The following CD2AP variants were observed in gnomAD, a reference collection of about 807,000 sequenced individuals.
The protein encoded by CD2AP is CD2-associated protein.
In CD2AP, 46 loss-of-function variants were observed where a neutral mutation model predicts 85.1. The ratio of observed to expected loss-of-function variants is 0.54; its 90% CI spans 0.43 to 0.69. The LOEUF is 0.69. Among genes scored for constraint, CD2AP ranks in the 30% least tolerant of loss-of-function variants. CD2AP has a pLI of 0.00. For synonymous variants in CD2AP, 255 were observed against 252.9 expected, an observed-to-expected ratio of 1.01 and a Z score of -0.08; for missense variants, 769 against 729.5, an observed-to-expected ratio of 1.05 and a Z score of -0.62.
chr6:47,479,468 C>T (rs1765391257), intron 1 of CD2AP, among the ~76,000 whole-genome samples: 2 of 152,166 alleles, frequency 1.3e-5, no homozygotes, highest in Admixed American at 1.3e-4. Flanking sequence ...CCCTTCTCCA[C>T]CTCCCTCCTT....
intron 1 of CD2AP, chr6:47,488,992 A>G (rs1040080550): frequency 3.9e-5 from 6 of 152,126 alleles, no homozygotes; most frequent in African/African-American, 1.4e-4. Flanking sequence ...TGAATTTTTA[A>G]TGATTCTTAC....
intron 2 of CD2AP, among the ~76,000 whole-genome samples, chr6:47,528,976 T>TTAA (rs1766799841): frequency 6.6e-6 from 1 of 152,196 alleles, no homozygotes; most frequent in Non-Finnish European, 1.5e-5. Flanking sequence ...ATACGTTTGC[T>TTAA]TTCTTAGTGC....
At position 47,577,046 on chromosome 6, in the gene CD2AP, T is replaced by C. The variant is rs931802678; in HGVS notation, c.846T>C (p.Gly282=). The C allele has an allele frequency of 2.1e-5, 32 of 1,534,046 alleles. 1 individual carries two copies. Among genetic ancestry groups the C allele is most frequent in the Non-Finnish European group, 2.8e-5 (31 of 1,107,444 alleles). The change falls in exon 8 of 18, where the codon GGT becomes GGC. Residue 282 remains glycine (G), a synonymous_variant. Coordinates refer to ENST00000359314, the MANE Select transcript of CD2AP (RefSeq NM_012120.3). ...EYCRTLFAYE[G]TNEDELTFKE... is the part of the protein sequence containing the mutation. ...GTAGAACATTATTTGCCTATGAAGG[T>C]ACTAATGAAGATGAACTTACTTTTA... is the stretch of plus-strand genomic sequence containing the variant.
chr6:47,582,157 G>A (rs1023466020), intron 11 of CD2AP, 92 bp downstream of exon 11: 2 of 806,956 alleles, frequency 2.5e-6, no homozygotes, highest in Non-Finnish European at 4.4e-6. Flanking sequence ...TATTTACACT[G>A]ATTTTTAACA....
intron 4 of CD2AP, among the ~76,000 whole-genome samples, chr6:47,547,241 A>T (rs1767387473): frequency 6.6e-6 from 1 of 152,224 alleles, no homozygotes. Flanking sequence ...GCTCCATTTG[A>T]CATATACAGA....
In CD2AP at chr6:47,478,238, C is replaced by T. The variant is rs766268810; in HGVS notation, c.-7C>T. 1.3e-6 allele frequency: 2 copies of T among 1,572,106 alleles called. No homozygotes were observed. Among genetic ancestry groups the T allele is most frequent in the Middle Eastern group, 1.7e-4 (1 of 5,984 alleles). On this transcript the variant is annotated 5_prime_UTR_variant, in exon 1 of 18. Transcript: ENST00000359314. ...GACGTCGGCTTCTCCCCGCGGGAGC[C>T]CCCAGCATGGGTAAGAGACTCGGGC... is the stretch of plus-strand genomic sequence containing the variant.
In CD2AP at chr6:47,504,855, A is replaced by G. The variant is rs1196519567; in HGVS notation, c.165+1415A>G. On this transcript the variant is annotated intron_variant, in intron 2 of 17. Transcript: ENST00000359314. Reference sequence around the variant, plus strand: ...CAATCGCATTATATTAAAAAAAGCAATGTGGATACATTAATTTTAAAATAT... The same window carrying G: ...CAATCGCATTATATTAAAAAAAGCAGTGTGGATACATTAATTTTAAAATAT... 1.3e-5 allele frequency among the ~76,000 whole-genome samples: 2 copies of G among 152,092 alleles called. 1 individual carries two copies. The highest frequency in any genetic ancestry group is 6.3e-3 in the Middle Eastern group (2 of 316).
chr6:47,480,919 G>C (rs1765426795), intron 1 of CD2AP, among the ~76,000 whole-genome samples: 1 of 152,198 alleles, frequency 6.6e-6, no homozygotes, highest in South Asian at 2.1e-4. Context: ...TTATTGGTAA[G>C]AGCTTTAGTT....
intron 3 of CD2AP, among the ~76,000 whole-genome samples, chr6:47,542,511 T>G (rs1487559878): frequency 1.3e-5 from 2 of 152,310 alleles, no homozygotes; most frequent in Non-Finnish European, 2.9e-5. Flanking sequence ...ATGAGGGCTG[T>G]GCTCTCATGA....
intron 2 of CD2AP, among the ~76,000 whole-genome samples, chr6:47,513,998 T>C (rs1001378527): frequency 2.0e-5 from 3 of 152,156 alleles, no homozygotes; most frequent in East Asian, 1.9e-4. Flanking sequence ...CAGTTCCTTG[T>C]GTACAGCTTG....
intron 13 of CD2AP, among the ~76,000 whole-genome samples, chr6:47,601,424 G>GT (rs1769128828): frequency 6.6e-6 from 1 of 151,910 alleles, no homozygotes; most frequent in Non-Finnish European, 1.5e-5. Context: ...TACCTTTGGT[G>GT]TACTATACTT....
chr6:47,504,640 G>A lies in CD2AP; in HGVS notation c.165+1200G>A, dbSNP rs543433297. ...GTGAGTCTGCAGTTGTGGAGCCTGC[G>A]GATGTGGAGGGCCGACTGTATTTTA... On this transcript the variant is annotated intron_variant, in intron 2 of 17. Transcript: ENST00000359314. Among the ~76,000 whole-genome samples, 60 of 152,160 alleles carry A rather than the reference G, an allele frequency of 3.9e-4. No homozygotes were observed. The South Asian group carries it at 0.011, about 29-fold the overall frequency.
In CD2AP at chr6:47,610,971, A is replaced by ATATATATATATTT; in HGVS notation, c.1815-1501_1815-1500insATATATATATTTT. On this transcript the variant is annotated intron_variant, in intron 16 of 17. Transcript: ENST00000359314. ...GATTTATATATATATATATATATGT[A>ATATATATATATTT]TTTTTTTTTTTTTTTGAATATAAAA... Among the ~76,000 whole-genome samples, 62 of 112,860 alleles carry ATATATATATATTT rather than the reference A, an allele frequency of 5.5e-4. 1 individual carries two copies. Among genetic ancestry groups the ATATATATATATTT allele is most frequent in the East Asian group, 1.7e-3 (7 of 4,128 alleles). 74.0% of individuals were successfully genotyped at this position (112,860 alleles called of 152,430 possible).
At chr6:47,598,475 G>T (rs907797691) in intron 12 of CD2AP, among the ~76,000 whole-genome samples, 4 of 150,806 alleles carry the variant, frequency 2.7e-5, no homozygotes, top group African/African-American at 9.7e-5. Context: ...AGCACAATTC[G>T]CAATTGCAAA....
intron 10 of CD2AP, among the ~76,000 whole-genome samples, chr6:47,581,391 G>A (rs1438098801): frequency 1.3e-5 from 2 of 152,070 alleles, no homozygotes; most frequent in Non-Finnish European, 2.9e-5. Flanking sequence ...CATAATTTTC[G>A]AATAATTGAT....
chr6:47,552,293 C>T (rs1767548969), intron 4 of CD2AP, among the ~76,000 whole-genome samples: 1 of 151,872 alleles, frequency 6.6e-6, no homozygotes, highest in Non-Finnish European at 1.5e-5. Flanking sequence ...TTATCCCTTG[C>T]CACCCCCATT....
At chr6:47,577,825 G>A (rs950476054) in intron 8 of CD2AP, among the ~76,000 whole-genome samples, 1 of 151,288 alleles carries the variant, frequency 6.6e-6, no homozygotes, top group Non-Finnish European at 1.5e-5. Context: ...CATTCCTCTC[G>A]CTTTGGCCTC....
chr6:47,568,374 A>G (rs1196187206), intron 5 of CD2AP, among the ~76,000 whole-genome samples: 3 of 152,166 alleles, frequency 2.0e-5, no homozygotes, highest in Non-Finnish European at 4.4e-5. Context: ...TCAGTTGTCT[A>G]TGGGTCTGAA....
intron 2 of CD2AP, among the ~76,000 whole-genome samples, chr6:47,510,904 C>T (rs866737478): frequency 6.6e-5 from 10 of 151,812 alleles, no homozygotes; most frequent in African/African-American, 1.9e-4. Context: ...GAAACCCCAT[C>T]TCTACTAAAA....
Sources: allele counts gnomAD v4.1 joint callset (sites outside exome capture counted in the v4.1 genomes callset), GRCh38; gene constraint gnomAD v4.1.1; transcripts MANE v1.5; gene names NCBI Gene and HGNC (gene_info 2026-07-23, HGNC 2026-07-21).